Variants in EXT1 observed in about 807,000 individuals in gnomAD.
The protein encoded by EXT1 is exostosin glycosyltransferase 1.
Under a neutral mutation model 82.5 loss-of-function variants are expected in EXT1, and 20 were observed. The ratio of observed to expected loss-of-function variants is 0.24; its 90% CI spans 0.17 to 0.35. The LOEUF is 0.35. Ranked by LOEUF, EXT1 falls within the 10% of genes least tolerant of loss-of-function variation. EXT1 has a pLI of 1.00. For missense variants in EXT1, 757 were observed against 936.5 expected, an observed-to-expected ratio of 0.81 and a Z score of 2.50; for synonymous variants, 348 against 350.8, an observed-to-expected ratio of 0.99 and a Z score of 0.09.
chr8:118,079,722 G>C (rs1250766882), intron 1 of EXT1, among the ~76,000 whole-genome samples: 1 of 123,632 alleles, frequency 8.1e-6, no homozygotes, highest in African/African-American at 3.1e-5. Flanking sequence ...CCCTAGTCAA[G>C]TTGAATAGCC....
intron 1 of EXT1, among the ~76,000 whole-genome samples, chr8:117,856,351 T>G (rs1214227142): frequency 6.7e-6 from 1 of 148,588 alleles, no homozygotes; most frequent in Non-Finnish European, 1.5e-5. Context: ...GCCTCCCGGG[T>G]TCATGCCATT....
At chr8:118,011,052 TG>T (rs1276374690) in intron 1 of EXT1, among the ~76,000 whole-genome samples, 1 of 152,142 alleles carries the variant, frequency 6.6e-6, no homozygotes, top group African/African-American at 2.4e-5. Flanking sequence ...CTGTTTGCAA[TG>T]TGGGAAGGAC....
intron 10 of EXT1, among the ~76,000 whole-genome samples, chr8:117,801,296 G>A (rs1374653804): frequency 1.3e-5 from 2 of 152,144 alleles, no homozygotes; most frequent in Non-Finnish European, 2.9e-5. Flanking sequence ...TATAGCTGAG[G>A]AAGCAAGTTT....
chr8:117,898,170 G>C (rs1472782469), intron 1 of EXT1, among the ~76,000 whole-genome samples: 2 of 152,202 alleles, frequency 1.3e-5, no homozygotes, highest in African/African-American at 2.4e-5. Context: ...AATCAGAGGT[G>C]TCACAGTGGT....
intron 1 of EXT1, among the ~76,000 whole-genome samples, chr8:117,936,751 T>G (rs1192207586): frequency 1.3e-5 from 2 of 152,148 alleles, no homozygotes; most frequent in East Asian, 3.9e-4. Flanking sequence ...GGCACGCACC[T>G]GTAATCCCAG....
intron 1 of EXT1, among the ~76,000 whole-genome samples, chr8:117,931,198 T>C (rs1043862049): frequency 1.9e-4 from 29 of 152,336 alleles, no homozygotes; most frequent in African/African-American, 6.7e-4. Flanking sequence ...ACTTTCCTAA[T>C]AAACTTGCTT....
At chr8:117,943,725 C>T (rs532105292) in intron 1 of EXT1, among the ~76,000 whole-genome samples, 32 of 152,264 alleles carry the variant, frequency 2.1e-4, no homozygotes, top group African/African-American at 7.7e-4. Flanking sequence ...TAATAATGTA[C>T]GTGTGTATTT....
rs1261162388 is a variant in EXT1, at chr8:117,965,922, C to T, written c.963-128721G>A. On this transcript the variant is annotated intron_variant, in intron 1 of 10. Coordinates refer to ENST00000378204, the MANE Select transcript of EXT1 (RefSeq NM_000127.3). ...CCAAATTTCCACTTGGAGGAATAAC[C>T]AAGCAAAGTATTTCTTTTTCATCAA... Among the ~76,000 whole-genome samples, 3 of 151,926 alleles carry T rather than the reference C, an allele frequency of 2.0e-5. No individual in the cohort carries two copies. The East Asian group carries it at 5.8e-4, about 29-fold the overall frequency.
intron 1 of EXT1, among the ~76,000 whole-genome samples, chr8:117,964,749 T>C (rs1170694442): frequency 6.6e-6 from 1 of 152,160 alleles, no homozygotes; most frequent in Non-Finnish European, 1.5e-5. Context: ...GTGATTCTCC[T>C]GTCTCAGCCT....
At chr8:117,977,924 T>C (rs1461441436) in intron 1 of EXT1, among the ~76,000 whole-genome samples, 7 of 152,212 alleles carry the variant, frequency 4.6e-5, no homozygotes. Flanking sequence ...TGTCCAGAAA[T>C]TTAACAAAAA....
chr8:117,917,078 TAGAA>T (rs1181476603), intron 1 of EXT1, among the ~76,000 whole-genome samples: 1 of 152,160 alleles, frequency 6.6e-6, no homozygotes. Context: ...ATAATACTGA[TAGAA>T]AGAAAATTAA....
intron 7 of EXT1, among the ~76,000 whole-genome samples, chr8:117,815,044 TTTTC>T (rs1290142798): frequency 6.6e-6 from 1 of 152,192 alleles, no homozygotes; most frequent in Non-Finnish European, 1.5e-5. Flanking sequence ...GTTGTTGTTG[TTTTC>T]TTTCTCAGGC....
At chr8:117,908,654 A>C (rs540255594) in intron 1 of EXT1, among the ~76,000 whole-genome samples, 3 of 152,062 alleles carry the variant, frequency 2.0e-5, no homozygotes, top group Non-Finnish European at 2.9e-5. Context: ...AACAAAAAAA[A>C]CCAACAAAAA....
intron 1 of EXT1, among the ~76,000 whole-genome samples, chr8:117,970,671 T>G (rs1814920871): frequency 6.6e-6 from 1 of 152,174 alleles, no homozygotes; most frequent in African/African-American, 2.4e-5. Context: ...GACCACACTT[T>G]GAGCATAGTG....
intron 1 of EXT1, among the ~76,000 whole-genome samples, chr8:117,838,796 A>C (rs1812227114): frequency 6.6e-6 from 1 of 152,182 alleles, no homozygotes; most frequent in Admixed American, 6.5e-5. Flanking sequence ...ACACACTCAC[A>C]AAAATATATG....
chr8:117,876,583 G>A (rs1028412820), intron 1 of EXT1, among the ~76,000 whole-genome samples: 1 of 152,122 alleles, frequency 6.6e-6, no homozygotes, highest in Non-Finnish European at 1.5e-5. Flanking sequence ...TTTTCTACCT[G>A]CTAGAGGTAA....
chr8:117,893,105 T>C (rs957187052), intron 1 of EXT1, among the ~76,000 whole-genome samples: 2 of 152,384 alleles, frequency 1.3e-5, no homozygotes, highest in African/African-American at 2.4e-5. Flanking sequence ...TATAGGTATA[T>C]GTGCGTGTGC....
chr8:118,089,834 G>A (rs1432945383), intron 1 of EXT1, among the ~76,000 whole-genome samples: 1 of 152,208 alleles, frequency 6.6e-6, no homozygotes, highest in African/African-American at 2.4e-5. Flanking sequence ...CATGTGTGGT[G>A]TGCGCGTGCA....
chr8:118,042,020 C>T (rs560525368), intron 1 of EXT1, among the ~76,000 whole-genome samples: 6 of 152,204 alleles, frequency 3.9e-5, no homozygotes, highest in East Asian at 3.9e-4. Context: ...CACTAAGCCC[C>T]GGGTTGGATG....
Sources: gnomAD v4.1 joint callset for allele counts (sites outside exome capture counted in the v4.1 genomes callset) on GRCh38, gnomAD v4.1.1 for gene constraint, MANE v1.5 for transcripts, NCBI Gene and HGNC (gene_info 2026-07-23, HGNC 2026-07-21) for gene names.